Variants in EPHA7 observed in about 807,000 individuals in gnomAD.
EPHA7 encodes ephrin type-A receptor 7.
EPHA7 carries 25 observed loss-of-function variants against 112.6 expected under a neutral mutation model. The ratio of observed to expected loss-of-function variants is 0.22; its 90% CI spans 0.16 to 0.31. The LOEUF (loss-of-function observed/expected upper bound fraction) is 0.31. EPHA7 is among the 10% of genes least tolerant of loss of function. The pLI is 1.00. For missense variants in EPHA7, 962 were observed against 1,212.6 expected, an observed-to-expected ratio of 0.79 and a Z score of 3.07; for synonymous variants, 437 against 406.5, an observed-to-expected ratio of 1.07 and a Z score of -0.90.
chr6:93,243,421 G>A lies in EPHA7; in HGVS notation c.*5C>T. 2 of 1,599,352 alleles carry A rather than the reference G, an allele frequency of 1.3e-6. No homozygotes were observed. The highest frequency in any genetic ancestry group is 1.7e-6 in the Non-Finnish European group (2 of 1,167,038). On this transcript the variant is annotated 3_prime_UTR_variant, in exon 17 of 17. Transcript: ENST00000369303. ...GTAATCTCCCTTAAAAGGGAGAAAT[G>A]CATATCACACTTGAATGCCAGTTCC...
chr6:93,295,014 A>AG (rs1221384180), intron 5 of EPHA7, among the ~76,000 whole-genome samples: 1 of 151,688 alleles, frequency 6.6e-6, no homozygotes, highest in Non-Finnish European at 1.5e-5. Flanking sequence ...TTTGAAACTG[A>AG]GGGGGGAAGG....
chr6:93,410,944 G>A lies in EPHA7; in HGVS notation c.389C>T (p.Thr130Ile). 1 of 1,613,936 alleles carries A rather than the reference G, an allele frequency of 6.2e-7. No individual in the cohort carries two copies. The highest frequency in any genetic ancestry group is 8.5e-7 in the Non-Finnish European group (1 of 1,179,942). Residue 130 changes from threonine (T) to isoleucine (I), a missense_variant, in exon 3 of 17, where the codon ACA becomes ATA. By Grantham distance (89) the Thr-to-Ile change is moderately conservative. Transcript: ENST00000369303. This position sits in a 1 kb window ranked among gnomAD's most constrained non-coding sequence, Gnocchi z 4.0. ...KETFNLYYYETDYDTGRNIRE... is the reference protein window; with the variant it reads ...KETFNLYYYEIDYDTGRNIRE... The stretch of plus-strand genomic sequence containing the variant: ...TATATTCCTGCCAGTGTCATAGTCT[G>A]TTTCATAATAGTACAAATTAAATGT...
chr6:93,374,519 C>T lies in EPHA7; in HGVS notation c.833-16108G>A, dbSNP rs570939610. Among the ~76,000 whole-genome samples the T allele has an allele frequency of 5.3e-5, 8 of 152,250 alleles. 1 individual carries two copies. Among genetic ancestry groups the T allele is most frequent in the Middle Eastern group, 6.8e-3 (2 of 294 alleles). On this transcript the variant is annotated intron_variant, in intron 3 of 16. Transcript: ENST00000369303. Reference sequence around the variant, plus strand: ...CCTTTTAAGTGTCATGCCTTACTAGCGAACCTTTGACACTGCCAAATATGT... The same window carrying T: ...CCTTTTAAGTGTCATGCCTTACTAGTGAACCTTTGACACTGCCAAATATGT...
intron 5 of EPHA7, among the ~76,000 whole-genome samples, chr6:93,305,958 A>G (rs1242778801): frequency 6.6e-6 from 1 of 151,976 alleles, no homozygotes. Flanking sequence ...ATCAGTCTAT[A>G]CAATGGATAT....
chr6:93,403,690 A>G (rs1302042255), intron 3 of EPHA7, among the ~76,000 whole-genome samples: 2 of 151,692 alleles, frequency 1.3e-5, no homozygotes, highest in African/African-American at 4.8e-5. Context: ...AAAAGGAGAG[A>G]TCACCTAACA....
intron 3 of EPHA7, among the ~76,000 whole-genome samples, chr6:93,401,617 T>G (rs982805967): frequency 6.6e-6 from 1 of 152,118 alleles, no homozygotes. Flanking sequence ...AAAACTTATA[T>G]GTGCATGTGA....
At chr6:93,408,092 C>T (rs1245068549) in intron 3 of EPHA7, among the ~76,000 whole-genome samples, 23 of 152,034 alleles carry the variant, frequency 1.5e-4, no homozygotes, top group Non-Finnish European at 2.9e-5. Flanking sequence ...TTCTTTAAAA[C>T]CTTTAAAACA....
chr6:93,392,636 A>T (rs1777968581), intron 3 of EPHA7, among the ~76,000 whole-genome samples: 1 of 152,026 alleles, frequency 6.6e-6, no homozygotes, highest in Non-Finnish European at 1.5e-5. Context: ...TTCCTTAAAG[A>T]TACAAAATAA....
intron 5 of EPHA7, among the ~76,000 whole-genome samples, chr6:93,304,956 C>G (rs1358388971): frequency 6.6e-6 from 1 of 152,050 alleles, no homozygotes; most frequent in South Asian, 2.1e-4. Flanking sequence ...AATTGTCAAT[C>G]AACCCCTGCC....
intron 5 of EPHA7, among the ~76,000 whole-genome samples, chr6:93,291,487 G>A (rs1453868021): frequency 6.6e-6 from 1 of 151,936 alleles, no homozygotes; most frequent in African/African-American, 2.4e-5. Flanking sequence ...TACTTTTCTG[G>A]GCCGGGCGCG....
At chr6:93,412,341 T>C (rs897787876) in intron 2 of EPHA7, among the ~76,000 whole-genome samples, 16 of 152,144 alleles carry the variant, frequency 1.1e-4, no homozygotes, top group African/African-American at 3.9e-4. Flanking sequence ...TTTAAATACT[T>C]GATTTGAGTA....
At chr6:93,400,731 T>A (rs947486864) in intron 3 of EPHA7, among the ~76,000 whole-genome samples, 2 of 151,902 alleles carry the variant, frequency 1.3e-5, no homozygotes, top group Non-Finnish European at 2.9e-5. Context: ...AGAGCTGGGG[T>A]CTCACTACGT....
chr6:93,304,374 G>A (rs1217078415), intron 5 of EPHA7, among the ~76,000 whole-genome samples: 1 of 151,934 alleles, frequency 6.6e-6, no homozygotes, highest in Non-Finnish European at 1.5e-5. Context: ...ACGGAGTTGT[G>A]CAGAAAAGAT....
chr6:93,241,617 T>C lies in EPHA7; in HGVS notation c.*1809A>G, dbSNP rs1769691262. 1 of 218,962 alleles carries C rather than the reference T, an allele frequency of 4.6e-6. No individual in the cohort carries two copies. Among genetic ancestry groups the C allele is most frequent in the African/African-American group, 2.3e-5 (1 of 43,754 alleles). 13.6% of individuals were successfully genotyped at this position (218,962 alleles called of 1,614,324 possible). On this transcript the variant is annotated 3_prime_UTR_variant, in exon 17 of 17. Transcript: ENST00000369303. Reference sequence around the variant, plus strand: ...AATATCAAATAACACTGTACAGTGATTTAAAACCAAAAAAAAAGGGTGGGG... The same window carrying C: ...AATATCAAATAACACTGTACAGTGACTTAAAACCAAAAAAAAAGGGTGGGG...
At chr6:93,358,193 G>A (rs976189007) in intron 4 of EPHA7, 63 bp downstream of exon 4, 1 of 1,264,318 alleles carries the variant, frequency 7.9e-7, no homozygotes, top group Non-Finnish European at 1.0e-6. Flanking sequence ...TTTCATTGAT[G>A]TCACAACAGT....
chr6:93,411,250 T>C (rs1279265060), intron 2 of EPHA7, 80 bp from the exon 3 acceptor site: 22 of 1,188,414 alleles, frequency 1.9e-5, no homozygotes, highest in Middle Eastern at 2.0e-4. Context: ...ACTTCACAAA[T>C]ACAGATCTTC....
chr6:93,410,373 T>C lies in EPHA7; in HGVS notation c.832+128A>G, dbSNP rs1778915783. The C allele has an allele frequency of 1.2e-6, 1 of 823,526 alleles. No individual in the cohort carries two copies. The highest frequency in any genetic ancestry group is 1.7e-5 in the South Asian group (1 of 57,692). The allele number at this position is 823,526 out of a possible 1,614,324, so 51.0% of individuals were successfully genotyped here. ...CACTAAGTTCAACGGTGACTTTGTT[T>C]AAGATCTACTGAATTGCGCTTCTGG... On this transcript the variant is annotated intron_variant, in intron 3 of 16. Coordinates refer to ENST00000369303, the MANE Select transcript of EPHA7 (RefSeq NM_004440.4). This position sits in a 1 kb window ranked among gnomAD's most constrained non-coding sequence, Gnocchi z 4.0.
In EPHA7 at chr6:93,243,463, T is replaced by C. The variant is rs1292575307; in HGVS notation, c.2960A>G (p.Gln987Arg). ...GCCAGTTCCATGTAAATGTAGCATT[T>C]GTGCTCTCATAGTCTGAATGCTGCT... ...IMSSIQTMRA[Q>R]MLHLHGTGIQ... The change falls in exon 17 of 17, where the codon CAA (glutamine) becomes CGA (arginine). Residue 987 changes from glutamine (Q) to arginine (R), a missense_variant. Around this residue, in one of 3 missense-constraint regions of EPHA7, gnomAD observed 746 missense variants for 889.2 expected, o/e 0.84. Coordinates refer to ENST00000369303, the MANE Select transcript of EPHA7 (RefSeq NM_004440.4). 1.2e-6 allele frequency: 2 copies of C among 1,613,574 alleles called. No individual in the cohort carries two copies. Among genetic ancestry groups the C allele is most frequent in the Non-Finnish European group, 8.5e-7 (1 of 1,179,596 alleles).
intron 3 of EPHA7, among the ~76,000 whole-genome samples, chr6:93,390,675 T>C (rs913956828): frequency 6.6e-6 from 1 of 151,822 alleles, no homozygotes; most frequent in Non-Finnish European, 1.5e-5. Context: ...AGGGTGTTCA[T>C]TATACTATTC....
Sources: gnomAD v4.1 joint callset for allele counts (sites outside exome capture counted in the v4.1 genomes callset) on GRCh38, gnomAD v4.1.1 for gene constraint, gnomAD v4.1.1 regional missense constraint, Gnocchi (gnomAD v3.1) non-coding constraint, MANE v1.5 for transcripts, NCBI Gene and HGNC (gene_info 2026-07-23, HGNC 2026-07-21) for gene names.